Variants in GRM8 observed in about 807,000 individuals in gnomAD.
GRM8 encodes metabotropic glutamate receptor 8.
Under a neutral mutation model 87.2 loss-of-function variants are expected in GRM8, and 47 were observed. The ratio of observed to expected loss-of-function variants is 0.54; its 90% CI spans 0.43 to 0.69. The LOEUF (loss-of-function observed/expected upper bound fraction) is 0.69. Among genes scored for constraint, GRM8 ranks in the 30% least tolerant of loss-of-function variants. The pLI, the probability that GRM8 is intolerant of heterozygous loss-of-function variation, is 0.00. For synonymous variants in GRM8, 396 were observed against 404.5 expected, an observed-to-expected ratio of 0.98 and a Z score of 0.25; for missense variants, 1,019 against 1,139.2, an observed-to-expected ratio of 0.89 and a Z score of 1.52.
intron 2 of GRM8, among the ~76,000 whole-genome samples, chr7:127,239,295 A>G (rs1351323168): frequency 2.0e-5 from 3 of 152,222 alleles, no homozygotes; most frequent in African/African-American, 7.2e-5. Context: ...TAAAACCCCA[A>G]TTTATGTTTA....
intron 6 of GRM8, among the ~76,000 whole-genome samples, chr7:126,882,366 T>A (rs545949143): frequency 6.6e-6 from 1 of 152,158 alleles, no homozygotes; most frequent in Non-Finnish European, 1.5e-5. Context: ...AGCCAAAATA[T>A]AACATGAACA....
intron 3 of GRM8, chr7:127,076,184 T>C (rs763360040): frequency 3.7e-5 from 17 of 456,480 alleles, no homozygotes; most frequent in Non-Finnish European, 7.5e-5. Context: ...CTTGACATAG[T>C]ATAGCAAAAC....
At chr7:127,101,686 T>G (rs1210517567) in intron 3 of GRM8, among the ~76,000 whole-genome samples, 1 of 152,208 alleles carries the variant, frequency 6.6e-6, no homozygotes, top group Non-Finnish European at 1.5e-5. Flanking sequence ...CAATTAAACC[T>G]CTTTTCTCAT....
intron 3 of GRM8, among the ~76,000 whole-genome samples, chr7:126,983,938 A>G (rs944499359): frequency 6.6e-5 from 10 of 152,198 alleles, no homozygotes; most frequent in South Asian, 2.1e-4. Flanking sequence ...AGAAACAAGG[A>G]CTGTAATTGT....
chr7:126,940,928 T>C (rs927573309), intron 3 of GRM8, among the ~76,000 whole-genome samples: 1 of 152,152 alleles, frequency 6.6e-6, no homozygotes, highest in Non-Finnish European at 1.5e-5. Flanking sequence ...TAGAGCATTG[T>C]TTGCTTAGTT....
At chr7:126,552,930 A>C (rs1792745347) in intron 8 of GRM8, among the ~76,000 whole-genome samples, 1 of 152,130 alleles carries the variant, frequency 6.6e-6, no homozygotes. Context: ...CCTGAGCCTC[A>C]ATTTCCCCAT....
At chr7:127,010,214 A>G (rs541391132) in intron 3 of GRM8, among the ~76,000 whole-genome samples, 34 of 152,250 alleles carry the variant, frequency 2.2e-4, no homozygotes, top group African/African-American at 8.2e-4. Flanking sequence ...CTCAGCCTCA[A>G]TCTCCCTCAA....
intron 2 of GRM8, among the ~76,000 whole-genome samples, chr7:127,109,905 C>A (rs191761009): frequency 3.3e-5 from 5 of 152,200 alleles, no homozygotes; most frequent in Admixed American, 3.3e-4. Context: ...GCCAAAGACC[C>A]TAGGAGGCTG....
At chr7:126,903,197 G>T (rs181217673) in intron 5 of GRM8, among the ~76,000 whole-genome samples, 2 of 151,948 alleles carry the variant, frequency 1.3e-5, no homozygotes, top group Non-Finnish European at 2.9e-5. Context: ...CTCAAGTGTC[G>T]GTTTGCTCAG....
rs146551555 is a variant in GRM8 at position 127,093,901 on chromosome 7, C to T, written c.727+12595G>A. Among the ~76,000 whole-genome samples the T allele has an allele frequency of 7.9e-5, 12 of 152,340 alleles. No homozygotes were observed. The East Asian group carries it at 9.6e-4, about 12-fold the overall frequency. ...AGACTCTGCAGCCCAGTTCTACCAA[C>T]GGACGTAACCCCTGAAATAATTTGC... is the stretch of plus-strand genomic sequence containing the variant. On this transcript the variant is annotated intron_variant, in intron 3 of 10. Transcript: ENST00000339582.
chr7:126,780,818 G>T (rs936883630), intron 6 of GRM8, among the ~76,000 whole-genome samples: 1 of 152,182 alleles, frequency 6.6e-6, no homozygotes, highest in Non-Finnish European at 1.5e-5. Context: ...CCATCAAAAG[G>T]TAACATAACC....
chr7:126,896,977 T>C (rs1801604835), intron 6 of GRM8, among the ~76,000 whole-genome samples: 1 of 152,142 alleles, frequency 6.6e-6, no homozygotes, highest in South Asian at 2.1e-4. Context: ...TGAAGCACAG[T>C]GCCTGGCACA....
chr7:126,561,750 A>G (rs1468867203), intron 8 of GRM8, among the ~76,000 whole-genome samples: 2 of 148,532 alleles, frequency 1.3e-5, no homozygotes, highest in Admixed American at 6.7e-5. Context: ...AGCATTAGGT[A>G]TATCTCCTAA....
chr7:126,839,809 C>A (rs1179367829), intron 6 of GRM8, among the ~76,000 whole-genome samples: 4 of 152,178 alleles, frequency 2.6e-5, no homozygotes, highest in Admixed American at 6.5e-5. Context: ...TGATATCAGA[C>A]AACCTTACTG....
chr7:126,612,373 T>C (rs1799009788), intron 7 of GRM8, among the ~76,000 whole-genome samples: 2 of 152,176 alleles, frequency 1.3e-5, no homozygotes, highest in Admixed American at 6.5e-5. Context: ...CTCACCATTC[T>C]GTCTTTGCTC....
chr7:126,800,938 A>G (rs879323384), intron 6 of GRM8, among the ~76,000 whole-genome samples: 4 of 152,094 alleles, frequency 2.6e-5, no homozygotes, highest in Non-Finnish European at 5.9e-5. Context: ...AATATTTGTA[A>G]TATCTGATGA....
intron 6 of GRM8, among the ~76,000 whole-genome samples, chr7:126,809,784 G>C (rs1285867865): frequency 2.6e-5 from 4 of 152,028 alleles, no homozygotes; most frequent in Non-Finnish European, 4.4e-5. Context: ...CTTCACCTGG[G>C]GAGTGCAACA....
chr7:127,122,172 A>G (rs1309403066), intron 2 of GRM8, among the ~76,000 whole-genome samples: 1 of 152,196 alleles, frequency 6.6e-6, no homozygotes, highest in Admixed American at 6.5e-5. Flanking sequence ...TAACACATGG[A>G]CATTGTTGAT....
At chr7:126,980,807 C>T (rs1811445064) in intron 3 of GRM8, among the ~76,000 whole-genome samples, 1 of 152,010 alleles carries the variant, frequency 6.6e-6, no homozygotes, top group African/African-American at 2.4e-5. Context: ...AAAACAACCT[C>T]CCCAAAAGGT....
Sources: allele counts gnomAD v4.1 joint callset (sites outside exome capture counted in the v4.1 genomes callset), GRCh38; gene constraint gnomAD v4.1.1; transcripts MANE v1.5; gene names NCBI Gene and HGNC (gene_info 2026-07-23, HGNC 2026-07-21).